Variants in AMZ1 observed in about 807,000 individuals in gnomAD.
AMZ1 encodes the protein archaemetzincin-1.
AMZ1 carries 39 observed loss-of-function variants against 29.9 expected under a neutral mutation model. The observed-to-expected ratio is 1.30, with a 90% CI of 1.01 to 1.70. The LOEUF (loss-of-function observed/expected upper bound fraction) is 1.70, where lower values mean the gene tolerates loss of function less well. AMZ1 is among the 40% of genes most tolerant of loss of function. The pLI, the probability that AMZ1 is intolerant of heterozygous loss-of-function variation, is 0.00. For missense variants in AMZ1, 1,041 were observed against 680.6 expected, an observed-to-expected ratio of 1.53 and a Z score of -5.89; for synonymous variants, 458 against 304.0, an observed-to-expected ratio of 1.51 and a Z score of -5.27.
chr7:2,684,223 A>G (rs1398223773), upstream of AMZ1, among the ~76,000 whole-genome samples: 12 of 152,120 alleles, frequency 7.9e-5, no homozygotes, highest in Admixed American at 3.3e-4. Context: ...TGTTCCTCCA[A>G]TGAGGAACCT....
intron 1 of AMZ1, among the ~76,000 whole-genome samples, chr7:2,692,929 C>G (rs1583145752): frequency 6.6e-6 from 1 of 152,308 alleles, no homozygotes; most frequent in East Asian, 1.9e-4. Flanking sequence ...CCAGACGTAT[C>G]TGCTGCGGGC....
At chr7:2,711,283 C>T (rs1033705055) in intron 6 of AMZ1, among the ~76,000 whole-genome samples, 3 of 152,190 alleles carry the variant, frequency 2.0e-5, no homozygotes, top group Non-Finnish European at 4.4e-5. Context: ...TGCTGGAGAG[C>T]TGACCAAGGG....
At chr7:2,680,710 G>T (rs942226483) in intron 1 of AMZ1, among the ~76,000 whole-genome samples, 1 of 152,242 alleles carries the variant, frequency 6.6e-6, no homozygotes, top group Non-Finnish European at 1.5e-5. Flanking sequence ...CAGCCTCCTC[G>T]TGCTGGCCAC....
At chr7:2,699,895 T>C (rs1416457635) in intron 1 of AMZ1, among the ~76,000 whole-genome samples, 1 of 151,996 alleles carries the variant, frequency 6.6e-6, no homozygotes, top group Non-Finnish European at 1.5e-5. Context: ...GCCCTTGCCC[T>C]TCTGTGGGGG....
At chr7:2,761,424 C>G (rs1791549880), upstream of AMZ1, among the ~76,000 whole-genome samples, 1 of 152,224 alleles carries the variant, frequency 6.6e-6, no homozygotes, top group African/African-American at 2.4e-5. Flanking sequence ...CGGCTGACTT[C>G]ATGGCAGAAT....
At chr7:2,720,010 C>T (rs573809676), downstream of AMZ1, among the ~76,000 whole-genome samples, 4 of 152,228 alleles carry the variant, frequency 2.6e-5, no homozygotes, top group African/African-American at 4.8e-5. Flanking sequence ...AGGGCTTAAA[C>T]GAAGAGGATG....
chr7:2,700,637 G>A lies in AMZ1; in HGVS notation c.186G>A (p.Thr62=), dbSNP rs144827365. ...RTLFCTLLIR[T]GFDWLLSRPE... is the part of the protein sequence containing the mutation. The stretch of plus-strand genomic sequence containing the variant: ...TCTTCTGCACCCTGCTCATCCGCAC[G>A]GGCTTCGACTGGCTCCTGAGCCGAC... Residue 62 remains threonine (T), a synonymous_variant, in exon 2 of 7, where the codon ACG becomes ACA. Transcript: ENST00000683327. 3.5e-5 allele frequency: 56 copies of A among 1,611,608 alleles called. No homozygotes were observed. Among genetic ancestry groups the A allele is most frequent in the Middle Eastern group, 3.3e-4 (2 of 6,084 alleles).
At chr7:2,699,032 C>T (rs368892729) in intron 1 of AMZ1, among the ~76,000 whole-genome samples, 5 of 152,144 alleles carry the variant, frequency 3.3e-5, no homozygotes, top group African/African-American at 4.8e-5. Context: ...TCTATTCACA[C>T]GTCCTTAGCT....
chr7:2,690,625 T>TA (rs1787330941), intron 1 of AMZ1, among the ~76,000 whole-genome samples: 1 of 152,126 alleles, frequency 6.6e-6, no homozygotes, highest in Non-Finnish European at 1.5e-5. Context: ...GCTCTTGAGT[T>TA]ACCCACGTGC....
chr7:2,700,414 A>G lies in AMZ1; in HGVS notation c.-38A>G. Reference sequence around the variant, plus strand: ...CCCCGGGTGGCCCATGGACAGCAGCAGGGGCTCCCAGGAGTGGCCAGGCCC... The same window carrying G: ...CCCCGGGTGGCCCATGGACAGCAGCGGGGGCTCCCAGGAGTGGCCAGGCCC... On this transcript the variant is annotated 5_prime_UTR_variant, in exon 2 of 7. Coordinates refer to ENST00000683327, the MANE Select transcript of AMZ1 (RefSeq NM_001384743.1). The G allele has an allele frequency of 6.3e-7, 1 of 1,576,868 alleles. No individual in the cohort carries two copies. The highest frequency in any genetic ancestry group is 8.6e-7 in the Non-Finnish European group (1 of 1,166,834).
intron 4 of AMZ1, chr7:2,729,599 G>C (rs1789784002): frequency 6.6e-6 from 1 of 152,334 alleles, no homozygotes; most frequent in African/African-American, 2.4e-5. Flanking sequence ...TGCCCCAAGG[G>C]CTTGCGTTTA....
intron 4 of AMZ1, among the ~76,000 whole-genome samples, chr7:2,739,000 C>T (rs1790360417): frequency 6.6e-6 from 1 of 152,126 alleles, no homozygotes; most frequent in South Asian, 2.1e-4. Flanking sequence ...AGCAGTGAGA[C>T]CCCAGGAAGA....
rs71026549 is a variant in AMZ1 at position 2,757,129 on chromosome 7, CTT to C, written n.551-7560_551-7559del. ...GCAGGCCCGATCTAATCAGGTGGGC[CTT>C]TTTTTTTTTTTTTTTTTTTTTTGAG... On this transcript the variant is annotated intron_variant and non_coding_transcript_variant, in intron 4 of 4. Coordinates refer to the AMZ1 transcript ENST00000489665. Among the ~76,000 whole-genome samples the C allele has an allele frequency of 5.4e-3, 510 of 93,960 alleles. 1 individual carries two copies. The highest frequency in any genetic ancestry group is 0.02 in the African/African-American group (467 of 22,970). The allele number at this position is 93,960 out of a possible 152,430, so 61.6% of individuals were successfully genotyped here. A position where few individuals can be genotyped will look rare whatever the true frequency, so the allele number is the denominator to read the frequency against.
Position 2,737,269 on chromosome 7 carries a change from G to GTTTT in AMZ1, n.551-27442_551-27439dup, listed in dbSNP as rs1317020597. 5.7e-3 allele frequency among the ~76,000 whole-genome samples: 219 copies of GTTTT among 38,104 alleles called. 28 individuals carry two copies. Among genetic ancestry groups the GTTTT allele is most frequent in the South Asian group, 0.014 (18 of 1,284 alleles). 25.0% of individuals were successfully genotyped at this position (38,104 alleles called of 152,430 possible). A position where few individuals can be genotyped will look rare whatever the true frequency, so the allele number is the denominator to read the frequency against. On this transcript the variant is annotated intron_variant and non_coding_transcript_variant, in intron 4 of 4. Transcript: ENST00000489665. ...CATTCAGGAGCTATCTCACAGTTTT[G>GTTTT]TTTTGTTTTTTTTTTTTTTGTTTTT...
At chr7:2,691,730 CAAA>C (rs55752807) in intron 1 of AMZ1, among the ~76,000 whole-genome samples, 5 of 84,632 alleles carry the variant, frequency 5.9e-5, no homozygotes, top group African/African-American at 6.2e-5. Context: ...GGCTCCGTCT[CAAA>C]AAAAAAAAAA....
chr7:2,681,549 C>T (rs919710553), intron 1 of AMZ1, among the ~76,000 whole-genome samples: 2 of 152,136 alleles, frequency 1.3e-5, no homozygotes, highest in East Asian at 1.9e-4. Flanking sequence ...GCATGAGCCA[C>T]GGTGCCCAGC....
rs1032648186 is a variant in AMZ1, at chr7:2,715,798, G to A, written c.*2920G>A. On this transcript the variant is annotated 3_prime_UTR_variant, in exon 7 of 7. Coordinates refer to ENST00000683327, the MANE Select transcript of AMZ1 (RefSeq NM_001384743.1). The stretch of plus-strand genomic sequence containing the variant: ...CGCAAGGCAGAGGAGAGAGAATGAG[G>A]GCTGCCTTCTCGAGGAAGGTCACAG... 6.6e-6 allele frequency: 1 copy of A among 152,182 alleles called. No homozygotes were observed. The highest frequency in any genetic ancestry group is 2.4e-5 in the African/African-American group (1 of 41,420). 9.4% of individuals were successfully genotyped at this position (152,182 alleles called of 1,614,324 possible).
At position 2,719,501 on chromosome 7, in the gene AMZ1, G is replaced by A. The variant is rs895444412; in HGVS notation, c.*6623G>A. On this transcript the variant is annotated 3_prime_UTR_variant, in exon 7 of 7. Transcript: ENST00000683327. ...CCTAATTACATGAGCTTTGATCACC[G>A]CTCGATTGTATGGCACAGTTATTTT... Among the ~76,000 whole-genome samples the A allele has an allele frequency of 4.6e-5, 7 of 152,146 alleles. No homozygotes were observed. Among genetic ancestry groups the A allele is most frequent in the South Asian group, 2.1e-4 (1 of 4,832 alleles).
chr7:2,733,569 A>C, intron 4 of AMZ1: 1 of 1,249,214 alleles, frequency 8.0e-7, no homozygotes, highest in Non-Finnish European at 1.2e-6. Context: ...AAATACAAGA[A>C]CTGAACAGGG....
Sources: gnomAD v4.1 joint callset for allele counts (sites outside exome capture counted in the v4.1 genomes callset) on GRCh38, gnomAD v4.1.1 for gene constraint, MANE v1.5 for transcripts, NCBI Gene and HGNC (gene_info 2026-07-23, HGNC 2026-07-21) for gene names.